Variants in CUBN observed in about 807,000 individuals in gnomAD.
The protein encoded by CUBN is cubilin.
A neutral mutation model predicts 405.3 loss-of-function variants in CUBN; 282 were observed. The ratio of observed to expected loss-of-function variants is 0.70; its 90% CI spans 0.63 to 0.77. The LOEUF (loss-of-function observed/expected upper bound fraction) is 0.77, where lower values mean the gene tolerates loss of function less well. Ranked by LOEUF, CUBN falls within the 30% of genes least tolerant of loss-of-function variation. CUBN has a pLI of 0.00. For synonymous variants in CUBN, 1,684 were observed against 1,617.0 expected, an observed-to-expected ratio of 1.04 and a Z score of -0.99; for missense variants, 4,514 against 4,475.2, an observed-to-expected ratio of 1.01 and a Z score of -0.25.
intron 22 of CUBN, among the ~76,000 whole-genome samples, chr10:17,053,075 C>T (rs1471903146): frequency 1.4e-5 from 2 of 141,574 alleles, no homozygotes; most frequent in Admixed American, 7.0e-5. Context: ...TGTAAAAATA[C>T]AAAAAAAAAG....
At chr10:16,918,926 G>C (rs1841963184) in intron 44 of CUBN, 126 bp from the exon 45 acceptor site, 2 of 908,836 alleles carry the variant, frequency 2.2e-6, no homozygotes, top group Admixed American at 2.0e-5. Context: ...AACTATGATA[G>C]AATCAGCATA....
chr10:16,947,698 T>C lies in CUBN; in HGVS notation c.5210-331A>G, dbSNP rs147716153. Among the ~76,000 whole-genome samples, 773 of 152,344 alleles carry C rather than the reference T, an allele frequency of 5.1e-3. 11 individuals are homozygous for C. The highest frequency in any genetic ancestry group is 0.018 in the African/African-American group (744 of 41,578). On this transcript the variant is annotated intron_variant, in intron 35 of 66. Coordinates refer to ENST00000377833, the MANE Select transcript of CUBN (RefSeq NM_001081.4). Reference sequence around the variant, plus strand: ...TTGTGACCAGGATTCTATTCAACCCTGGCCTAGAACCCAACGCAGCATGCT... The same window carrying C: ...TTGTGACCAGGATTCTATTCAACCCCGGCCTAGAACCCAACGCAGCATGCT...
Position 16,954,347 on chromosome 10 carries a change from GA to G in CUBN, c.4855+41del, listed in dbSNP as rs759814306. 5.0e-6 allele frequency: 8 copies of G among 1,611,234 alleles called. No homozygotes were observed. In the South Asian group the frequency reaches 8.8e-5, roughly 18 times the overall value. ...TCACTGTTGCACCAAACAGAGCACT[GA>G]AGATTTCTCTTGTGCCTGGGAAGAT... On this transcript the variant is annotated intron_variant, in intron 32 of 66. Transcript: ENST00000377833.
At chr10:16,925,915 A>T (rs1842176384) in intron 41 of CUBN, 141 bp from the exon 42 acceptor site, 1 of 756,700 alleles carries the variant, frequency 1.3e-6, no homozygotes, top group South Asian at 1.5e-5. Flanking sequence ...GGAAATGATT[A>T]TCATAACAAG....
At chr10:16,999,561 A>G (rs775185025) in intron 28 of CUBN, among the ~76,000 whole-genome samples, 7 of 152,206 alleles carry the variant, frequency 4.6e-5, no homozygotes, top group Non-Finnish European at 7.3e-5. Context: ...AAGACTTCTA[A>G]ACAAAGTTTA....
At chr10:16,991,834 A>C (rs548816638) in intron 28 of CUBN, among the ~76,000 whole-genome samples, 126 of 152,094 alleles carry the variant, frequency 8.3e-4, no homozygotes, top group Non-Finnish European at 1.6e-3. Flanking sequence ...TCAGTGTGGC[A>C]ATTCCTCAGG....
rs1181347200 is a variant in CUBN at position 17,114,011 on chromosome 10, G to A, written c.883+16C>T. The A allele has an allele frequency of 1.2e-6, 2 of 1,610,434 alleles. No homozygotes were observed. Among genetic ancestry groups the A allele is most frequent in the Non-Finnish European group, 1.7e-6 (2 of 1,178,418 alleles). On this transcript the variant is annotated intron_variant, in intron 8 of 66. Transcript: ENST00000377833. ...ACCTGGCATGCAGAGCCTGGCTTGT[G>A]GCCCTGAGAATGTACCTGTTGGACA...
At chr10:16,932,957 C>T in intron 40 of CUBN, 130 bp downstream of exon 40, 1 of 892,824 alleles carries the variant, frequency 1.1e-6, no homozygotes. Context: ...GGTACTGATG[C>T]CTTCCTTGAC....
intron 13 of CUBN, among the ~76,000 whole-genome samples, chr10:17,100,519 C>T (rs1836472329): frequency 6.6e-6 from 1 of 152,094 alleles, no homozygotes; most frequent in Admixed American, 6.5e-5. Flanking sequence ...TCCACCAGAC[C>T]AAGGTATGTC....
At chr10:16,934,797 A>G (rs1315185271) in intron 39 of CUBN, among the ~76,000 whole-genome samples, 1 of 152,212 alleles carries the variant, frequency 6.6e-6, no homozygotes, top group Admixed American at 6.5e-5. Flanking sequence ...CCATGGTCTC[A>G]GGCAATATCG....
intron 60 of CUBN, among the ~76,000 whole-genome samples, chr10:16,841,402 C>T (rs1177401922): frequency 6.6e-6 from 1 of 152,124 alleles, no homozygotes; most frequent in African/African-American, 2.4e-5. Flanking sequence ...TCCCATGAAG[C>T]CCCTGATTCT....
At chr10:16,875,390 G>A (rs575244182) in intron 57 of CUBN, among the ~76,000 whole-genome samples, 58 of 152,216 alleles carry the variant, frequency 3.8e-4, no homozygotes, top group African/African-American at 1.3e-3. Context: ...ATTATAATGG[G>A]GTTAACGCAT....
At chr10:16,993,873 A>G (rs1833660053) in intron 28 of CUBN, among the ~76,000 whole-genome samples, 1 of 152,162 alleles carries the variant, frequency 6.6e-6, no homozygotes, top group Non-Finnish European at 1.5e-5. Flanking sequence ...AAAGAGGGAA[A>G]GAAACAGTTA....
rs1445693801 is a variant in CUBN at position 17,071,562 on chromosome 10, G to A, written c.2489C>T (p.Pro830Leu). ...TCCAGGATACACGTTAGGAAAAAAA[G>A]GCGAGCGAATGACCCCTTCTCCAGT... ...ELTGEGVIRS[P>L]FFPNVYPGER... The change falls in exon 19 of 67, where the codon CCT (proline) becomes CTT (leucine). Residue 830 changes from proline to leucine, a missense_variant. Physicochemically the swap from Pro to Leu is moderately conservative, Grantham distance 98. Around this residue, in one of 5 missense-constraint regions of CUBN, gnomAD observed 1,448 missense variants for 1,388.0 expected, o/e 1.04. Coordinates refer to ENST00000377833, the MANE Select transcript of CUBN (RefSeq NM_001081.4). 1 of 1,613,702 alleles carries A rather than the reference G, an allele frequency of 6.2e-7. No homozygotes were observed. Among genetic ancestry groups the A allele is most frequent in the African/African-American group, 1.3e-5 (1 of 74,898 alleles).
chr10:16,937,308 G>C (rs1842536407), intron 39 of CUBN, among the ~76,000 whole-genome samples: 1 of 152,188 alleles, frequency 6.6e-6, no homozygotes, highest in Non-Finnish European at 1.5e-5. Flanking sequence ...CAAATTTTCA[G>C]GGATTTCTAA....
At chr10:17,071,719 A>C in intron 18 of CUBN, 108 bp downstream of exon 18, 5 of 1,489,412 alleles carry the variant, frequency 3.4e-6, no homozygotes, top group Non-Finnish European at 4.6e-6. Flanking sequence ...TTTCTATGAG[A>C]ATATTTTCCA....
In CUBN at chr10:16,937,635, A is replaced by G. The variant is rs1247876772; in HGVS notation, c.5883T>C (p.Phe1961=). The G allele has an allele frequency of 1.9e-6, 3 of 1,613,962 alleles. No individual in the cohort carries two copies. The highest frequency in any genetic ancestry group is 2.2e-5 in the South Asian group (2 of 91,082). Residue 1961 remains phenylalanine (F), a synonymous_variant, in exon 39 of 67, where the codon TTT becomes TTC. Coordinates refer to ENST00000377833, the MANE Select transcript of CUBN (RefSeq NM_001081.4). ...AAACACCATCAGGTGCATCCACTGCAAACCACTCCAGAAGGAATCCCTTCC... is the reference window on the plus strand; with the variant it reads ...AAACACCATCAGGTGCATCCACTGCGAACCACTCCAGAAGGAATCCCTTCC... ...ISGKGFLLEW[F]AVDAPDGVLP...
chr10:16,927,347 G>C (rs1483620075), intron 41 of CUBN, among the ~76,000 whole-genome samples: 3 of 152,266 alleles, frequency 2.0e-5, no homozygotes, highest in African/African-American at 7.2e-5. Flanking sequence ...AATTGTAGAG[G>C]TGAAAATGTA....
At chr10:17,000,882 C>T (rs1833858872) in intron 28 of CUBN, among the ~76,000 whole-genome samples, 1 of 152,160 alleles carries the variant, frequency 6.6e-6, no homozygotes, top group Non-Finnish European at 1.5e-5. Flanking sequence ...AGATTGTGTT[C>T]GGAATTGGTT....
Sources: allele counts gnomAD v4.1 joint callset (sites outside exome capture counted in the v4.1 genomes callset), GRCh38; gene constraint gnomAD v4.1.1; regional missense constraint gnomAD v4.1.1; transcripts MANE v1.5; gene names NCBI Gene and HGNC (gene_info 2026-07-23, HGNC 2026-07-21).